The following CDH18 variants were observed in gnomAD, a reference collection of about 807,000 sequenced individuals.
CDH18 encodes cadherin 18, also known as cadherin-18.
Under a neutral mutation model 67.9 loss-of-function variants are expected in CDH18, and 31 were observed. The observed-to-expected ratio is 0.46, with a 90% CI of 0.34 to 0.62. The LOEUF (loss-of-function observed/expected upper bound fraction) is 0.62. CDH18 is among the 20% of genes least tolerant of loss of function. CDH18 has a pLI of 0.01. For synonymous variants in CDH18, 362 were observed against 347.2 expected (o/e 1.04, Z -0.48); for missense variants, 890 against 975.5 (o/e 0.91, Z 1.17).
intron 3 of CDH18, among the ~76,000 whole-genome samples, chr5:19,809,238 G>A (rs1187559240): frequency 3.9e-5 from 6 of 152,054 alleles, no homozygotes; most frequent in Non-Finnish European, 8.8e-5. Context: ...GAGGACTTAG[G>A]GACATGGAGG....
intron 2 of CDH18, among the ~76,000 whole-genome samples, chr5:20,015,367 G>C (rs1737792557): frequency 6.6e-6 from 1 of 152,072 alleles, no homozygotes; most frequent in African/African-American, 2.4e-5. Context: ...GAAAAGATGT[G>C]GCACAAGTGG....
intron 1 of CDH18, among the ~76,000 whole-genome samples, chr5:20,389,793 T>G (rs1166506505): frequency 6.6e-6 from 1 of 152,056 alleles, no homozygotes; most frequent in Non-Finnish European, 1.5e-5. Context: ...AACAGAGATA[T>G]AGACCAATGG....
chr5:19,590,934 C>T (rs765764697), intron 7 of CDH18, 123 bp downstream of exon 7: 1 of 552,832 alleles, frequency 1.8e-6, no homozygotes, highest in Non-Finnish European at 3.2e-6. Flanking sequence ...AATTATATCG[C>T]AAAGTGACAA....
intron 2 of CDH18, among the ~76,000 whole-genome samples, chr5:20,173,959 A>G (rs577276336): frequency 6.6e-6 from 1 of 152,298 alleles, no homozygotes; most frequent in Admixed American, 6.5e-5. Flanking sequence ...TTAAATGTAC[A>G]AAGTAAGCCA....
chr5:20,036,463 G>A (rs1739870595), intron 2 of CDH18, among the ~76,000 whole-genome samples: 1 of 152,010 alleles, frequency 6.6e-6, no homozygotes, highest in Admixed American at 6.6e-5. Context: ...TCAAAGCTCT[G>A]TCCTTGGGCT....
In CDH18 at chr5:19,787,843, A is replaced by G. The variant is rs952099637; in HGVS notation, c.229-40607T>C. On this transcript the variant is annotated intron_variant, in intron 3 of 12. Transcript: ENST00000382275. ...TATATATATATGTTTACATGTATAT[A>G]TAAGTATACATGTCTATATATACTT... Among the ~76,000 whole-genome samples, 5 of 149,772 alleles carry G rather than the reference A, an allele frequency of 3.3e-5. No individual in the cohort carries two copies. The Admixed American group carries it at 3.3e-4, about 10-fold the overall frequency.
intron 1 of CDH18, among the ~76,000 whole-genome samples, chr5:20,572,098 G>A (rs2434779): frequency 0.71 from 108,120 of 151,992 alleles, 39,285 homozygotes; most frequent in African/African-American, 0.84. Context: ...TTCTGTGTAT[G>A]TAATGATAAC....
chr5:20,497,103 C>T (rs1279689208), intron 1 of CDH18, among the ~76,000 whole-genome samples: 3 of 151,846 alleles, frequency 2.0e-5, no homozygotes, highest in Non-Finnish European at 2.9e-5. Flanking sequence ...CAAGCAAAAG[C>T]AGTGCTCATG....
At chr5:20,089,119 T>C (rs984415204) in intron 2 of CDH18, among the ~76,000 whole-genome samples, 3 of 152,186 alleles carry the variant, frequency 2.0e-5, no homozygotes, top group Admixed American at 6.5e-5. Flanking sequence ...AAATAATAAG[T>C]CCCAATCTCT....
chr5:20,490,974 G>A (rs971614327), intron 1 of CDH18, among the ~76,000 whole-genome samples: 7 of 152,150 alleles, frequency 4.6e-5, no homozygotes, highest in Middle Eastern at 3.4e-3. Flanking sequence ...TTAATGGAAA[G>A]TAAGTAGATC....
At chr5:20,381,693 T>C (rs1458608258) in intron 1 of CDH18, among the ~76,000 whole-genome samples, 1 of 152,042 alleles carries the variant, frequency 6.6e-6, no homozygotes, top group African/African-American at 2.4e-5. Flanking sequence ...AATGAGAGTC[T>C]CCAGAGAGAA....
chr5:19,857,138 G>A (rs1008156165), intron 2 of CDH18, among the ~76,000 whole-genome samples: 3 of 152,094 alleles, frequency 2.0e-5, no homozygotes, highest in African/African-American at 2.4e-5. Flanking sequence ...GCTGAGGCAG[G>A]AGGATCACTT....
rs566697125 is a variant in CDH18, at chr5:19,815,374, C to G, written c.228+23385G>C. Reference sequence around the variant, plus strand: ...CATGTTTATATAGTTATCATCTTGACAATATTGGATGACAATTGAGACCTT... The same window carrying G: ...CATGTTTATATAGTTATCATCTTGAGAATATTGGATGACAATTGAGACCTT... On this transcript the variant is annotated intron_variant, in intron 3 of 12. Coordinates refer to ENST00000382275, the MANE Select transcript of CDH18 (RefSeq NM_004934.5). Among the ~76,000 whole-genome samples the G allele has an allele frequency of 3.9e-5, 6 of 151,956 alleles. No homozygotes were observed. In the East Asian group the frequency reaches 1.2e-3, roughly 29 times the overall value.
intron 1 of CDH18, among the ~76,000 whole-genome samples, chr5:20,400,693 C>T (rs760413114): frequency 1.1e-4 from 17 of 151,804 alleles, no homozygotes; most frequent in Non-Finnish European, 2.4e-4. Flanking sequence ...ACCCAAGAGG[C>T]GGAGGTTGCA....
chr5:19,892,884 A>G (rs1788929152), intron 2 of CDH18, among the ~76,000 whole-genome samples: 1 of 152,196 alleles, frequency 6.6e-6, no homozygotes. Flanking sequence ...TTCTTGATCC[A>G]CAAAAGTGAT....
chr5:20,232,213 T>C (rs1054029635), intron 2 of CDH18, among the ~76,000 whole-genome samples: 4 of 152,052 alleles, frequency 2.6e-5, no homozygotes, highest in African/African-American at 4.8e-5. Flanking sequence ...CCTTTGCTTG[T>C]AGACTGAATC....
chr5:20,479,064 C>G (rs1038623842), intron 1 of CDH18, among the ~76,000 whole-genome samples: 6 of 152,122 alleles, frequency 3.9e-5, no homozygotes, highest in African/African-American at 1.4e-4. Flanking sequence ...CTCCCCAAAC[C>G]ATATATGGCT....
intron 5 of CDH18, among the ~76,000 whole-genome samples, chr5:19,618,030 T>C (rs549200024): frequency 4.1e-4 from 63 of 152,296 alleles, no homozygotes; most frequent in African/African-American, 1.5e-3. Flanking sequence ...ATTTTGTTTA[T>C]TAGATAATAC....
Position 20,421,211 on chromosome 5 carries a change from A to G in CDH18, c.-580+154251T>C, listed in dbSNP as rs567544664. On this transcript the variant is annotated intron_variant, in intron 1 of 14. Transcript: ENST00000507958. Reference sequence around the variant, plus strand: ...GTGCACCATCAGCATATTCAGGAGCAGGGAGCAGGGATGAGGAGCAGCTTA... The same window carrying G: ...GTGCACCATCAGCATATTCAGGAGCGGGGAGCAGGGATGAGGAGCAGCTTA... Among the ~76,000 whole-genome samples, 8 of 151,280 alleles carry G rather than the reference A, an allele frequency of 5.3e-5. No homozygotes were observed. In the South Asian group the frequency reaches 1.5e-3, roughly 27 times the overall value.
Sources: allele counts gnomAD v4.1 joint callset (sites outside exome capture counted in the v4.1 genomes callset), GRCh38; gene constraint gnomAD v4.1.1; transcripts MANE v1.5; gene names NCBI Gene and HGNC (gene_info 2026-07-23, HGNC 2026-07-21).